LDLRAD3: variants seen among roughly 807,000 people sequenced by gnomAD.
LDLRAD3 encodes the protein low density lipoprotein receptor class A domain containing 3.
LDLRAD3 carries 20 observed loss-of-function variants against 29.4 expected under a neutral mutation model. The ratio of observed to expected loss-of-function variants is 0.68; its 90% confidence interval spans 0.48 to 0.99. The LOEUF (loss-of-function observed/expected upper bound fraction) is 0.99. Ranked by LOEUF, LDLRAD3 falls within the 50% of genes least tolerant of loss-of-function variation. The pLI, the probability that LDLRAD3 is intolerant of heterozygous loss-of-function variation, is 0.00. For missense variants in LDLRAD3, 420 were observed against 454.3 expected (o/e 0.92, Z 0.69); for synonymous variants, 157 against 192.7 (o/e 0.81, Z 1.53).
At chr11:36,083,763 CA>C (rs746073644) in intron 3 of LDLRAD3, among the ~76,000 whole-genome samples, 10,046 of 151,486 alleles carry the variant, frequency 0.066, 411 homozygotes, top group Middle Eastern at 0.12. Context: ...CACACACACA[CA>C]CACACACACA....
At chr11:35,991,157 C>T (rs1851684002) in intron 1 of LDLRAD3, among the ~76,000 whole-genome samples, 2 of 152,208 alleles carry the variant, frequency 1.3e-5, no homozygotes, top group Non-Finnish European at 2.9e-5. Flanking sequence ...TGATGCTCTT[C>T]TAGGTTGCGT....
intron 4 of LDLRAD3, chr11:36,101,847 T>C (rs1348313194): frequency 6.4e-6 from 2 of 314,468 alleles, no homozygotes; most frequent in Non-Finnish European, 1.2e-5. Context: ...CTAGACAAAA[T>C]ATTGCCCTAT....
intron 1 of LDLRAD3, among the ~76,000 whole-genome samples, chr11:35,972,101 A>G (rs1412798975): frequency 1.3e-5 from 2 of 152,156 alleles, no homozygotes; most frequent in East Asian, 3.9e-4. Context: ...AAGTACTGGC[A>G]TCTAGATGAC....
In LDLRAD3 at chr11:35,959,123, C is replaced by T. The variant is rs144484871; in HGVS notation, c.46+14979C>T. 2.2e-3 allele frequency among the ~76,000 whole-genome samples: 338 copies of T among 152,288 alleles called. 2 individuals are homozygous for T. The highest frequency in any genetic ancestry group is 7.7e-3 in the African/African-American group (320 of 41,568). On this transcript the variant is annotated intron_variant, in intron 1 of 5. Coordinates refer to ENST00000315571, the MANE Select transcript of LDLRAD3 (RefSeq NM_174902.4). ...TCTGGTCAGCCTGATGGAGAAGGAA[C>T]GCCGTCTCCCAGCTCGCAACTTTTC...
At chr11:36,200,341 G>T (rs561136698) in intron 4 of LDLRAD3, among the ~76,000 whole-genome samples, 3 of 152,036 alleles carry the variant, frequency 2.0e-5, no homozygotes, top group Non-Finnish European at 4.4e-5. Context: ...CACGCACTCC[G>T]GTGTTCCCTC....
intron 4 of LDLRAD3, among the ~76,000 whole-genome samples, chr11:36,161,060 G>T (rs887752485): frequency 5.9e-5 from 9 of 152,184 alleles, no homozygotes; most frequent in Non-Finnish European, 1.5e-5. Context: ...CTCCCAAAGT[G>T]CTGGGATTAC....
intron 4 of LDLRAD3, among the ~76,000 whole-genome samples, chr11:36,161,731 A>G (rs1854443206): frequency 6.6e-6 from 1 of 152,190 alleles, no homozygotes; most frequent in Admixed American, 6.5e-5. Flanking sequence ...TTATTTTGCC[A>G]CTAAATTTAG....
chr11:36,081,155 G>A (rs1169241591), intron 2 of LDLRAD3, among the ~76,000 whole-genome samples: 4 of 152,240 alleles, frequency 2.6e-5, no homozygotes, highest in South Asian at 2.1e-4. Context: ...TAGCAGTTGC[G>A]GTTCTGTTTT....
At chr11:36,150,306 T>C (rs1471041599) in intron 4 of LDLRAD3, among the ~76,000 whole-genome samples, 1 of 152,114 alleles carries the variant, frequency 6.6e-6, no homozygotes, top group African/African-American at 2.4e-5. Flanking sequence ...GGCAGCAGGA[T>C]CACTTGGGGC....
chr11:36,167,866 C>G (rs1854537916), intron 4 of LDLRAD3, among the ~76,000 whole-genome samples: 2 of 152,334 alleles, frequency 1.3e-5, no homozygotes, highest in South Asian at 4.1e-4. Context: ...GAATGCTTGA[C>G]TTTTCTGGTA....
At chr11:36,145,069 C>G in intron 4 of LDLRAD3, among the ~76,000 whole-genome samples, 1 of 101,704 alleles carries the variant, frequency 9.8e-6, no homozygotes, top group Non-Finnish European at 2.1e-5. Flanking sequence ...AGAGAGGAGC[C>G]CCTCTGCCCG....
chr11:36,073,942 G>A (rs1390289719), intron 2 of LDLRAD3, among the ~76,000 whole-genome samples: 4 of 152,182 alleles, frequency 2.6e-5, no homozygotes, highest in Admixed American at 6.5e-5. Context: ...TTGTTTATTA[G>A]CAGTGTCAAG....
intron 4 of LDLRAD3, among the ~76,000 whole-genome samples, chr11:36,175,677 T>C (rs1352795356): frequency 6.6e-6 from 1 of 152,222 alleles, no homozygotes; most frequent in African/African-American, 2.4e-5. Context: ...AGAGAATCCT[T>C]GATATAATTT....
Position 35,977,450 on chromosome 11 carries a change from G to A in LDLRAD3, c.46+33306G>A, listed in dbSNP as rs1336731952. On this transcript the variant is annotated intron_variant, in intron 1 of 5. Transcript: ENST00000315571. ...AACATATAATGGGGCCGGGAGGAGT[G>A]TATGAAGGGGTTCATTATGAAGGGA... Among the ~76,000 whole-genome samples, 3 of 152,294 alleles carry A rather than the reference G, an allele frequency of 2.0e-5. No homozygotes were observed. The East Asian group carries it at 5.8e-4, about 29-fold the overall frequency.
In LDLRAD3 at chr11:36,079,619, G is replaced by A. The variant is rs1427505954; in HGVS notation, c.194-2034G>A. Among the ~76,000 whole-genome samples the A allele has an allele frequency of 3.3e-5, 5 of 152,166 alleles. No individual in the cohort carries two copies. In the East Asian group the frequency reaches 5.8e-4, roughly 18 times the overall value. On this transcript the variant is annotated intron_variant, in intron 2 of 5. Transcript: ENST00000315571. ...GGTAAAGAAAGGCAGATTTGTTAGC[G>A]AAAGTACAAAAATATGTTGCATGGG... is the stretch of plus-strand genomic sequence containing the variant.
At chr11:35,976,702 G>A (rs1365355313) in intron 1 of LDLRAD3, among the ~76,000 whole-genome samples, 3 of 152,102 alleles carry the variant, frequency 2.0e-5, no homozygotes, top group Non-Finnish European at 4.4e-5. Context: ...CTCTTCTCTA[G>A]GAGCTTAGTC....
rs1855532987 is a variant in LDLRAD3, at chr11:36,228,693, C to T, written c.801-467C>T. ...TTCATTCCTTTTAAGCCCCTTCTGCCGATACAGACCGAGGTGTTGAGAGGA... is the reference window on the plus strand; with the variant it reads ...TTCATTCCTTTTAAGCCCCTTCTGCTGATACAGACCGAGGTGTTGAGAGGA... On this transcript the variant is annotated intron_variant, in intron 5 of 5. Coordinates refer to ENST00000315571, the MANE Select transcript of LDLRAD3 (RefSeq NM_174902.4). Among the ~76,000 whole-genome samples the T allele has an allele frequency of 2.0e-5, 3 of 152,188 alleles. No homozygotes were observed. In the South Asian group the frequency reaches 6.2e-4, roughly 32 times the overall value.
chr11:36,209,845 A>C (rs1427306090), intron 4 of LDLRAD3, among the ~76,000 whole-genome samples: 1 of 152,248 alleles, frequency 6.6e-6, no homozygotes, highest in East Asian at 1.9e-4. Flanking sequence ...GGGTGTAACC[A>C]TGCATGTTAA....
At position 36,060,367 on chromosome 11, in the gene LDLRAD3, A is replaced by AC. The variant is rs1206536955; in HGVS notation, c.194-21286_194-21285insC. Among the ~76,000 whole-genome samples, 6 of 151,984 alleles carry AC rather than the reference A, an allele frequency of 3.9e-5. No homozygotes were observed. The East Asian group carries it at 1.2e-3, about 29-fold the overall frequency. ...AGACTCTGTCTCAAAAAAAAAAAAA[A>AC]AAAAAAAGTTATATAACTCACAATC... On this transcript the variant is annotated intron_variant, in intron 2 of 5. Coordinates refer to ENST00000315571, the MANE Select transcript of LDLRAD3 (RefSeq NM_174902.4).
Sources: gnomAD v4.1 joint callset for allele counts (sites outside exome capture counted in the v4.1 genomes callset) on GRCh38, gnomAD v4.1.1 for gene constraint, MANE v1.5 for transcripts, NCBI Gene and HGNC (gene_info 2026-07-23, HGNC 2026-07-21) for gene names.